DIP2C: variants seen among roughly 807,000 people sequenced by gnomAD.
DIP2C encodes the protein DIP2 acetate--CoA ligase C (putative), also known as disco-interacting protein 2 homolog C.
In DIP2C, 33 loss-of-function variants were observed where a neutral mutation model predicts 192.4. The ratio of observed to expected loss-of-function variants is 0.17; its 90% confidence interval spans 0.13 to 0.23. DIP2C has a LOEUF of 0.23. Ranked by LOEUF, DIP2C falls within the 10% of genes least tolerant of loss-of-function variation. DIP2C has a pLI of 1.00. For synonymous variants in DIP2C, 979 were observed against 864.1 expected, an observed-to-expected ratio of 1.13 and a Z score of -2.33; for missense variants, 1,537 against 2,110.1, an observed-to-expected ratio of 0.73 and a Z score of 5.32.
chr10:345,510 CA>C lies in DIP2C; in HGVS notation c.3232-401del, dbSNP rs1282455380. 2.3e-3 allele frequency among the ~76,000 whole-genome samples: 142 copies of C among 62,628 alleles called. 1 individual carries two copies. The highest frequency in any genetic ancestry group is 7.6e-3 in the African/African-American group (135 of 17,826). The allele number at this position is 62,628 out of a possible 152,430, so 41.1% of individuals were successfully genotyped here. A position where few individuals can be genotyped will look rare whatever the true frequency, so the allele number is the denominator to read the frequency against. The stretch of plus-strand genomic sequence containing the variant: ...TCGCGCACAGTTCTCCCGGAAACCC[CA>C]CAAACACCCATCCCAGACACACCGC... On this transcript the variant is annotated intron_variant, in intron 26 of 36. Coordinates refer to ENST00000280886, the MANE Select transcript of DIP2C (RefSeq NM_014974.3).
intron 3 of DIP2C, among the ~76,000 whole-genome samples, chr10:470,075 C>G (rs969151277): frequency 6.6e-6 from 1 of 151,752 alleles, no homozygotes; most frequent in Non-Finnish European, 1.5e-5. Context: ...GGATGGTGGA[C>G]GTAAATGGAT....
intron 29 of DIP2C, among the ~76,000 whole-genome samples, chr10:330,354 C>T (rs1172780116): frequency 7.2e-4 from 4 of 5,572 alleles, no homozygotes; most frequent in South Asian, 0.12. Context: ...TGATAGATTA[C>T]ATATTTTATC....
chr10:351,873 G>C (rs1345261417), intron 24 of DIP2C, among the ~76,000 whole-genome samples: 1 of 152,202 alleles, frequency 6.6e-6, no homozygotes, highest in Non-Finnish European at 1.5e-5. Flanking sequence ...GAGACACCCA[G>C]CACGGCCAGG....
intron 1 of DIP2C, among the ~76,000 whole-genome samples, chr10:685,135 C>CAAAAA (rs140709069): frequency 1.4e-5 from 1 of 72,968 alleles, no homozygotes; most frequent in Admixed American, 2.0e-4. Context: ...ACTTGGTCCC[C>CAAAAA]AAAAAAAAAA....
chr10:524,629 C>G (rs191992708), intron 1 of DIP2C, among the ~76,000 whole-genome samples: 26 of 152,280 alleles, frequency 1.7e-4, no homozygotes, highest in African/African-American at 6.0e-4. Context: ...TACATTCTTG[C>G]AAACAAAACA....
intron 2 of DIP2C, among the ~76,000 whole-genome samples, chr10:473,147 A>G (rs939287771): frequency 6.6e-6 from 1 of 152,214 alleles, no homozygotes; most frequent in Non-Finnish European, 1.5e-5. Flanking sequence ...GAATAACAAA[A>G]AACATTAATG....
intron 5 of DIP2C, 38 bp from the exon 6 acceptor site, chr10:419,237 T>C (rs768917019): frequency 1.2e-6 from 2 of 1,613,208 alleles, no homozygotes; most frequent in African/African-American, 1.3e-5. Flanking sequence ...CTGGTGGTTG[T>C]GATGTTTGCT....
chr10:676,344 C>G (rs1830875977), intron 1 of DIP2C, among the ~76,000 whole-genome samples: 1 of 152,054 alleles, frequency 6.6e-6, no homozygotes, highest in African/African-American at 2.4e-5. Context: ...TCTCTGAGAT[C>G]TGTAGCAAGA....
At chr10:388,900 C>T (rs185129703) in intron 13 of DIP2C, among the ~76,000 whole-genome samples, 1,711 of 151,524 alleles carry the variant, frequency 0.011, 40 homozygotes, top group African/African-American at 0.039. Context: ...AGGGGGTCTC[C>T]GGAGGGGGTC....
intron 32 of DIP2C, among the ~76,000 whole-genome samples, chr10:289,289 A>G (rs1955349414): frequency 6.6e-6 from 1 of 150,546 alleles, no homozygotes; most frequent in African/African-American, 2.4e-5. Context: ...TTTTTTAAAG[A>G]GACAGGGTCT....
chr10:485,999 T>C (rs113039599), intron 2 of DIP2C, among the ~76,000 whole-genome samples: 3,084 of 152,342 alleles, frequency 0.02, 93 homozygotes, highest in African/African-American at 0.069. Context: ...AGAATCATCA[T>C]GGATGTTTGC....
chr10:295,055 T>C (rs1006513246), intron 32 of DIP2C, among the ~76,000 whole-genome samples: 1 of 150,050 alleles, frequency 6.7e-6, no homozygotes, highest in Non-Finnish European at 1.5e-5. Flanking sequence ...GTCCAGAAAA[T>C]ACATGAAAAA....
intron 24 of DIP2C, among the ~76,000 whole-genome samples, chr10:352,317 T>C (rs939710616): frequency 6.6e-6 from 1 of 152,262 alleles, no homozygotes; most frequent in Non-Finnish European, 1.5e-5. Flanking sequence ...TGTAGGTACT[T>C]GCAAAGCATG....
intron 22 of DIP2C, among the ~76,000 whole-genome samples, chr10:361,772 CAG>C (rs1300547810): frequency 1.3e-5 from 2 of 152,158 alleles, no homozygotes; most frequent in African/African-American, 4.8e-5. Context: ...AGGCGGCAGA[CAG>C]AGGCAGCGTT....
Position 607,309 on chromosome 10 carries a change from G to A in DIP2C, c.85+82185C>T, listed in dbSNP as rs1272247761. Among the ~76,000 whole-genome samples, 7 of 151,638 alleles carry A rather than the reference G, an allele frequency of 4.6e-5. No individual in the cohort carries two copies. The East Asian group carries it at 1.3e-3, about 29-fold the overall frequency. ...GCTGAGCTGCTGGACCTCTGCCCTC[G>A]AGAGCAGCTGATAACCCACTGGGCT... On this transcript the variant is annotated intron_variant, in intron 1 of 36. Transcript: ENST00000280886.
At chr10:489,506 C>T (rs1336386114) in intron 1 of DIP2C, among the ~76,000 whole-genome samples, 1 of 152,232 alleles carries the variant, frequency 6.6e-6, no homozygotes, top group African/African-American at 2.4e-5. Context: ...TTGGGTTGGG[C>T]CCAAGGCCTG....
At chr10:606,561 G>A (rs1378135146) in intron 1 of DIP2C, among the ~76,000 whole-genome samples, 2 of 146,710 alleles carry the variant, frequency 1.4e-5, no homozygotes, top group Admixed American at 6.8e-5. Flanking sequence ...CTCATTGGTT[G>A]GGAAGGGGAT....
At chr10:451,779 CACACCACCCTCTA>C in intron 3 of DIP2C, among the ~76,000 whole-genome samples, 1 of 152,240 alleles carries the variant, frequency 6.6e-6, no homozygotes, top group South Asian at 2.1e-4. Context: ...ATAGAGCACA[CACACCACCCTCTA>C]ACACAAAGCA....
chr10:316,398 CAGT>C (rs1174119551), intron 31 of DIP2C, among the ~76,000 whole-genome samples: 4 of 152,218 alleles, frequency 2.6e-5, no homozygotes, highest in East Asian at 1.9e-4. Context: ...GCTTTCCAAA[CAGT>C]AGGAGACCTT....
Sources: allele counts gnomAD v4.1 joint callset (sites outside exome capture counted in the v4.1 genomes callset), GRCh38; gene constraint gnomAD v4.1.1; transcripts MANE v1.5; gene names NCBI Gene and HGNC (gene_info 2026-07-23, HGNC 2026-07-21).